The following TC2N variants were observed in gnomAD, a reference collection of about 807,000 sequenced individuals.
TC2N encodes the protein tandem C2 domains, nuclear, also known as tandem C2 domains nuclear protein.
TC2N carries 51 observed loss-of-function variants against 61.9 expected under a neutral mutation model. That is an observed-to-expected ratio of 0.82 (90% CI 0.66 to 1.04). The LOEUF (loss-of-function observed/expected upper bound fraction) is 1.04, where lower values mean the gene tolerates loss of function less well. TC2N is among the 50% of genes least tolerant of loss of function. TC2N has a pLI of 0.00. For synonymous variants in TC2N, 204 were observed against 192.6 expected, an observed-to-expected ratio of 1.06 and a Z score of -0.49; for missense variants, 556 against 566.7, an observed-to-expected ratio of 0.98 and a Z score of 0.19.
chr14:91,863,517 G>A (rs751088886), intron 1 of TC2N, among the ~76,000 whole-genome samples: 1 of 152,168 alleles, frequency 6.6e-6, no homozygotes, highest in Non-Finnish European at 1.5e-5. Flanking sequence ...GCCTAAAAAG[G>A]TGAGATAGCT....
chr14:91,850,521 T>C (rs890083799), intron 1 of TC2N, among the ~76,000 whole-genome samples: 11 of 152,208 alleles, frequency 7.2e-5, no homozygotes, highest in African/African-American at 2.7e-4. Flanking sequence ...CCATCACTCA[T>C]ATTACCACCT....
chr14:91,800,148 T>C, intron 5 of TC2N, 133 bp downstream of exon 5: 1 of 457,504 alleles, frequency 2.2e-6, no homozygotes, highest in Non-Finnish European at 3.9e-6. Context: ...TATCAATTAT[T>C]TATTCTTCAG....
chr14:91,800,382 G>A lies in TC2N; in HGVS notation c.470-10C>T. ...GTCCTTAAATCACAAACTACAAAGG[G>A]ATATGAGAAAAGTATATATTTTTAA... On this transcript the variant is annotated splice_polypyrimidine_tract_variant and intron_variant, in intron 4 of 11. Coordinates refer to ENST00000435962, the MANE Select transcript of TC2N (RefSeq NM_001128596.3). 2 of 1,508,468 alleles carry A rather than the reference G, an allele frequency of 1.3e-6. No individual in the cohort carries two copies. Among genetic ancestry groups the A allele is most frequent in the Non-Finnish European group, 1.8e-6 (2 of 1,097,254 alleles). The allele number at this position is 1,508,468 out of a possible 1,614,324, so 93.4% of individuals were successfully genotyped here.
chr14:91,792,793 C>T (rs139217148), intron 8 of TC2N, among the ~76,000 whole-genome samples: 1 of 152,266 alleles, frequency 6.6e-6, no homozygotes, highest in East Asian at 1.9e-4. Context: ...GAATTCAGGT[C>T]ATATTAACAC....
At chr14:91,847,477 T>C (rs999597164) in intron 1 of TC2N, among the ~76,000 whole-genome samples, 1 of 152,214 alleles carries the variant, frequency 6.6e-6, no homozygotes, top group East Asian at 1.9e-4. Context: ...TAGTTATCTT[T>C]GTGTGCTTAC....
intron 1 of TC2N, among the ~76,000 whole-genome samples, chr14:91,831,885 G>C (rs8003037): frequency 0.011 from 1,635 of 152,208 alleles, 31 homozygotes; most frequent in African/African-American, 0.035. Flanking sequence ...GGAAGGTAAA[G>C]ATTTGTTAAA....
intron 1 of TC2N, among the ~76,000 whole-genome samples, chr14:91,823,090 C>T (rs1019114864): frequency 2.0e-5 from 3 of 151,998 alleles, no homozygotes; most frequent in Non-Finnish European, 4.4e-5. Context: ...ATCAAATTAT[C>T]GATTTCAAGT....
In TC2N at chr14:91,782,328, G is replaced by T. The variant is rs1885168380; in HGVS notation, c.*772C>A. 1 of 151,920 alleles carries T rather than the reference G, an allele frequency of 6.6e-6. No homozygotes were observed. Among genetic ancestry groups the T allele is most frequent in the African/African-American group, 2.4e-5 (1 of 41,416 alleles). 9.4% of individuals were successfully genotyped at this position (151,920 alleles called of 1,614,324 possible). ...TAAGCTCATTTAATTCTGTGAATTA[G>T]GATGGACCATATGGATGATACTCTT... On this transcript the variant is annotated 3_prime_UTR_variant, in exon 12 of 12. Transcript: ENST00000435962.
intron 1 of TC2N, among the ~76,000 whole-genome samples, chr14:91,842,299 T>C (rs1454286875): frequency 1.3e-5 from 2 of 152,112 alleles, no homozygotes; most frequent in Non-Finnish European, 2.9e-5. Flanking sequence ...TCCCCTACAC[T>C]ATTAAAGGCC....
intron 1 of TC2N, among the ~76,000 whole-genome samples, chr14:91,824,724 C>A (rs1887414401): frequency 6.6e-6 from 1 of 152,140 alleles, no homozygotes. Flanking sequence ...TACATTCAAT[C>A]CAATGAGGAA....
At chr14:91,860,738 A>C (rs1169869736) in intron 1 of TC2N, among the ~76,000 whole-genome samples, 1 of 152,184 alleles carries the variant, frequency 6.6e-6, no homozygotes, top group Non-Finnish European at 1.5e-5. Flanking sequence ...GCCATAGCCA[A>C]ATAGCAACTC....
intron 9 of TC2N, 80 bp downstream of exon 9, chr14:91,792,287 C>T (rs1885696486): frequency 9.8e-6 from 8 of 819,674 alleles, no homozygotes; most frequent in Non-Finnish European, 1.5e-5. Context: ...TCTATTCAGG[C>T]TATTCTCTAA....
intron 1 of TC2N, among the ~76,000 whole-genome samples, chr14:91,833,023 A>T (rs1887852682): frequency 6.6e-6 from 1 of 152,192 alleles, no homozygotes; most frequent in African/African-American, 2.4e-5. Flanking sequence ...ACTAAACAAC[A>T]CAGTGTTTGG....
chr14:91,805,428 A>G (rs1379839333), intron 3 of TC2N, among the ~76,000 whole-genome samples: 1 of 152,200 alleles, frequency 6.6e-6, no homozygotes, highest in Non-Finnish European at 1.5e-5. Flanking sequence ...CAGCACTTTG[A>G]AAGGGCGAGG....
chr14:91,863,710 G>A (rs1269534399), intron 1 of TC2N, among the ~76,000 whole-genome samples: 1 of 151,534 alleles, frequency 6.6e-6, no homozygotes. Flanking sequence ...TGGAGGCTGG[G>A]CATGGTGGAT....
intron 4 of TC2N, among the ~76,000 whole-genome samples, chr14:91,800,750 A>C (rs1286191705): frequency 6.6e-6 from 1 of 151,976 alleles, no homozygotes; most frequent in African/African-American, 2.4e-5. Context: ...AAAAATCAAT[A>C]CTCAATCCCA....
chr14:91,826,704 T>C (rs1219147451), intron 1 of TC2N, among the ~76,000 whole-genome samples: 3 of 152,176 alleles, frequency 2.0e-5, no homozygotes, highest in Admixed American at 6.5e-5. Context: ...TGTTCTACTA[T>C]CCACTCTGAC....
intron 1 of TC2N, among the ~76,000 whole-genome samples, chr14:91,840,855 G>C (rs1020060717): frequency 4.6e-5 from 7 of 151,992 alleles, no homozygotes; most frequent in African/African-American, 7.2e-5. Context: ...AGGTAACAAT[G>C]GGATAATGGG....
intron 1 of TC2N, among the ~76,000 whole-genome samples, chr14:91,862,565 A>G (rs1277887548): frequency 6.6e-6 from 1 of 152,126 alleles, no homozygotes; most frequent in East Asian, 1.9e-4. Context: ...CCTCGAGGCA[A>G]TTTCCTAGGA....
Sources: gnomAD v4.1 joint callset for allele counts (sites outside exome capture counted in the v4.1 genomes callset) on GRCh38, gnomAD v4.1.1 for gene constraint, MANE v1.5 for transcripts, NCBI Gene and HGNC (gene_info 2026-07-23, HGNC 2026-07-21) for gene names.